Variants in GLIS1 observed in about 807,000 individuals in gnomAD.
GLIS1 encodes GLIS family zinc finger 1.
GLIS1 carries 24 observed loss-of-function variants against 63.8 expected under a neutral mutation model. The observed-to-expected ratio is 0.38, with a 90% CI of 0.27 to 0.53. The LOEUF (loss-of-function observed/expected upper bound fraction) is 0.53. Ranked by LOEUF, GLIS1 falls within the 20% of genes least tolerant of loss-of-function variation. The pLI is 0.85. For synonymous variants in GLIS1, 450 were observed against 482.5 expected (o/e 0.93, Z 0.88); for missense variants, 1,036 against 1,074.1 (o/e 0.96, Z 0.50).
intron 2 of GLIS1, among the ~76,000 whole-genome samples, chr1:53,723,938 G>A (rs1031768855): frequency 6.6e-6 from 1 of 152,084 alleles, no homozygotes; most frequent in African/African-American, 2.4e-5. Flanking sequence ...CATTTCCAGG[G>A]GTGAGCTGGC....
intron 4 of GLIS1, among the ~76,000 whole-genome samples, chr1:53,583,434 T>C (rs1645105086): frequency 6.6e-6 from 1 of 152,228 alleles, no homozygotes; most frequent in African/African-American, 2.4e-5. Flanking sequence ...GGGTGCTCTG[T>C]GCCCAGCAGA....
intron 2 of GLIS1, among the ~76,000 whole-genome samples, chr1:53,673,124 C>G (rs1040710723): frequency 6.6e-6 from 1 of 152,170 alleles, no homozygotes; most frequent in African/African-American, 2.4e-5. Context: ...AATCTGGGTC[C>G]CCACAAGCCC....
intron 2 of GLIS1, among the ~76,000 whole-genome samples, chr1:53,633,510 G>A (rs1198686071): frequency 6.6e-6 from 1 of 151,858 alleles, no homozygotes; most frequent in Non-Finnish European, 1.5e-5. Flanking sequence ...GGGTGTGAAT[G>A]AGTGTGACTG....
At chr1:53,561,487 C>T (rs145081644) in intron 4 of GLIS1, among the ~76,000 whole-genome samples, 24 of 152,292 alleles carry the variant, frequency 1.6e-4, no homozygotes, top group Middle Eastern at 6.8e-3. Flanking sequence ...TTATTGTTGG[C>T]GGACCAGGGC....
intron 2 of GLIS1, among the ~76,000 whole-genome samples, chr1:53,707,441 G>T (rs1646591426): frequency 6.6e-6 from 1 of 152,102 alleles, no homozygotes; most frequent in Admixed American, 6.5e-5. Flanking sequence ...CATGAGGTCA[G>T]GAGTTCAAGA....
At chr1:53,712,946 G>GA (rs1342949965) in intron 2 of GLIS1, among the ~76,000 whole-genome samples, 3 of 151,998 alleles carry the variant, frequency 2.0e-5, no homozygotes, top group African/African-American at 7.3e-5. Context: ...CCAAGAGGAA[G>GA]AAAAAACACA....
chr1:53,609,799 C>T (rs991835514), intron 2 of GLIS1, among the ~76,000 whole-genome samples: 14 of 152,152 alleles, frequency 9.2e-5, no homozygotes, highest in African/African-American at 3.4e-4. Context: ...TGTACTTACA[C>T]AAACCTAGGT....
chr1:53,541,013 G>A (rs769478870), intron 4 of GLIS1, among the ~76,000 whole-genome samples: 10 of 152,318 alleles, frequency 6.6e-5, no homozygotes, highest in Non-Finnish European at 1.0e-4. Context: ...TCCATCTTGC[G>A]AGGGGGCAGT....
intron 4 of GLIS1, among the ~76,000 whole-genome samples, chr1:53,543,252 T>C (rs1271356335): frequency 2.6e-5 from 4 of 152,208 alleles, no homozygotes. Flanking sequence ...GAAGTGGTCC[T>C]CCCTCATGGG....
chr1:53,700,864 T>G (rs1646516392), intron 2 of GLIS1, among the ~76,000 whole-genome samples: 1 of 152,254 alleles, frequency 6.6e-6, no homozygotes, highest in Non-Finnish European at 1.5e-5. Context: ...TGTTAATGGA[T>G]TCACATAACA....
chr1:53,622,225 C>T lies in GLIS1; in HGVS notation c.260-21947G>A, dbSNP rs566912781. Among the ~76,000 whole-genome samples the T allele has an allele frequency of 3.2e-3, 487 of 151,740 alleles. 2 individuals carry two copies. Among genetic ancestry groups the T allele is most frequent in the African/African-American group, 5.7e-3 (235 of 41,404 alleles). ...GGTGGATCACTAGAGGTCAGGAGTT[C>T]GAGACCAGCCTGGCCAACATGGTGA... On this transcript the variant is annotated intron_variant, in intron 2 of 10. Transcript: ENST00000628545.
chr1:53,618,534 G>A (rs1645506739), intron 2 of GLIS1, among the ~76,000 whole-genome samples: 1 of 152,174 alleles, frequency 6.6e-6, no homozygotes, highest in Non-Finnish European at 1.5e-5. Flanking sequence ...ATCCAATTAG[G>A]AGCAGGCCTC....
chr1:53,569,950 G>A (rs190203914), intron 4 of GLIS1, among the ~76,000 whole-genome samples: 1 of 151,958 alleles, frequency 6.6e-6, no homozygotes, highest in East Asian at 1.9e-4. Context: ...ACATGTTTAT[G>A]AACAATAAGA....
chr1:53,632,095 G>A (rs981487235), intron 2 of GLIS1, among the ~76,000 whole-genome samples: 2 of 150,522 alleles, frequency 1.3e-5, no homozygotes. Flanking sequence ...TGAGGGGTGT[G>A]TGAATGAATG....
rs59770207 is a variant in GLIS1, at chr1:53,566,630, G to A, written c.1320+27478C>T. On this transcript the variant is annotated intron_variant, in intron 4 of 10. Coordinates refer to ENST00000628545, the MANE Select transcript of GLIS1 (RefSeq NM_001367484.1). Reference sequence around the variant, plus strand: ...TCCCCATATTTCGGGGGAAGGGCCTGGTGGGAGGTGACTGGATCATGGGGT... The same window carrying A: ...TCCCCATATTTCGGGGGAAGGGCCTAGTGGGAGGTGACTGGATCATGGGGT... Among the ~76,000 whole-genome samples, 947 of 152,322 alleles carry A rather than the reference G, an allele frequency of 6.2e-3. 13 individuals carry two copies. Among genetic ancestry groups the A allele is most frequent in the African/African-American group, 0.022 (894 of 41,566 alleles).
chr1:53,619,693 G>A (rs533923124), intron 2 of GLIS1, among the ~76,000 whole-genome samples: 7 of 152,284 alleles, frequency 4.6e-5, no homozygotes, highest in South Asian at 2.1e-4. Context: ...TACTCAACCC[G>A]CCAGGCGGCC....
intron 2 of GLIS1, among the ~76,000 whole-genome samples, chr1:53,631,154 T>C (rs918694163): frequency 4.6e-5 from 7 of 152,244 alleles, no homozygotes; most frequent in Non-Finnish European, 8.8e-5. Flanking sequence ...CTAACGGGTT[T>C]TTTTAGTTGC....
At chr1:53,514,334 G>C (rs1644327609) in intron 8 of GLIS1, among the ~76,000 whole-genome samples, 2 of 152,138 alleles carry the variant, frequency 1.3e-5, no homozygotes, top group African/African-American at 4.8e-5. Flanking sequence ...AGAATGCAGG[G>C]GTCGCTGGGA....
chr1:53,688,342 G>T lies in GLIS1; in HGVS notation c.259+49464C>A, dbSNP rs573695114. On this transcript the variant is annotated intron_variant, in intron 2 of 10. Coordinates refer to ENST00000628545, the MANE Select transcript of GLIS1 (RefSeq NM_001367484.1). ...TCTGAGCACTTTGCAGGGTAGAGGT[G>T]GGGAAAGGGGAAGACGTGGCGGGTG... is the stretch of plus-strand genomic sequence containing the variant. Among the ~76,000 whole-genome samples the T allele has an allele frequency of 2.6e-5, 4 of 152,324 alleles. No individual in the cohort carries two copies. In the South Asian group the frequency reaches 8.3e-4, roughly 32 times the overall value.
Sources: gnomAD v4.1 joint callset for allele counts (sites outside exome capture counted in the v4.1 genomes callset) on GRCh38, gnomAD v4.1.1 for gene constraint, MANE v1.5 for transcripts, NCBI Gene and HGNC (gene_info 2026-07-23, HGNC 2026-07-21) for gene names.